The following TPRG1 variants were observed in gnomAD, a reference collection of about 807,000 sequenced individuals.
TPRG1 encodes the protein tumor protein p63-regulated gene 1 protein.
In TPRG1, 29 loss-of-function variants were observed where a neutral mutation model predicts 29.3. The observed-to-expected ratio is 0.99, with a 90% CI of 0.74 to 1.35. The LOEUF is 1.35. Among genes scored for constraint, TPRG1 ranks in the 40% most tolerant of loss-of-function variants. The pLI is 0.00. For synonymous variants in TPRG1, 130 were observed against 116.8 expected (o/e 1.11, Z -0.73); for missense variants, 327 against 335.0 (o/e 0.98, Z 0.19).
At position 189,324,066 on chromosome 3, in the gene TPRG1, C is replaced by T. The variant is rs796619991; in HGVS notation, c.*3246C>T. 2 of 152,222 alleles carry T rather than the reference C, an allele frequency of 1.3e-5. No individual in the cohort carries two copies. Among genetic ancestry groups the T allele is most frequent in the African/African-American group, 4.8e-5 (2 of 41,538 alleles). The allele number at this position is 152,222 out of a possible 1,614,324, so 9.4% of individuals were successfully genotyped here. A position where few individuals can be genotyped will look rare whatever the true frequency, so the allele number is the denominator to read the frequency against. Reference sequence around the variant, plus strand: ...TGGTCAATTGGGCCTGTTTGGAGGCCTGACCTTTGGTCATCTTAAGGTCAT... The same window carrying T: ...TGGTCAATTGGGCCTGTTTGGAGGCTTGACCTTTGGTCATCTTAAGGTCAT... On this transcript the variant is annotated 3_prime_UTR_variant, in exon 6 of 6. Transcript: ENST00000345063.
chr3:189,252,393 G>A (rs1172740457), intron 4 of TPRG1, among the ~76,000 whole-genome samples: 1 of 152,132 alleles, frequency 6.6e-6, no homozygotes, highest in African/African-American at 2.4e-5. Flanking sequence ...TAAAAGGCCT[G>A]CTTCATTCTC....
chr3:189,201,825 A>G (rs565792921), intron 1 of TPRG1, among the ~76,000 whole-genome samples: 1 of 151,862 alleles, frequency 6.6e-6, no homozygotes, highest in Non-Finnish European at 1.5e-5. Flanking sequence ...TAATTTTTGT[A>G]TTTTTAGTAG....
intron 1 of TPRG1, among the ~76,000 whole-genome samples, chr3:189,115,890 T>C (rs1440137494): frequency 2.0e-5 from 3 of 152,104 alleles, no homozygotes; most frequent in Non-Finnish European, 4.4e-5. Context: ...AAAAATTCCT[T>C]TTACAGATGT....
At position 189,310,448 on chromosome 3, in the gene TPRG1, G is replaced by A. The variant is rs761994383; in HGVS notation, c.542G>A (p.Arg181His). The change falls in exon 5 of 6, where the codon CGC becomes CAC. Residue 181 changes from arginine to histidine, a missense_variant. Coordinates refer to ENST00000345063, the MANE Select transcript of TPRG1 (RefSeq NM_198485.4). ...CCGGAGGAGCAGTCTCTTCTGTCCC[G>A]CTGGAACCCATGGTCCACTGAAGTT... is the stretch of plus-strand genomic sequence containing the variant. ...GSPEEQSLLS[R>H]WNPWSTEVPY... The A allele has an allele frequency of 2.7e-5, 44 of 1,611,540 alleles. No homozygotes were observed. The highest frequency in any genetic ancestry group is 7.7e-5 in the South Asian group (7 of 90,856).
At chr3:189,149,772 G>C (rs573502295) in intron 4 of TPRG1, among the ~76,000 whole-genome samples, 21 of 152,092 alleles carry the variant, frequency 1.4e-4, no homozygotes, top group African/African-American at 4.8e-4. Context: ...CCTGTGTCCG[G>C]AACTGCCTCC....
intron 4 of TPRG1, among the ~76,000 whole-genome samples, chr3:189,081,218 C>A (rs1316078403): frequency 6.6e-6 from 1 of 151,988 alleles, no homozygotes; most frequent in East Asian, 1.9e-4. Flanking sequence ...GGTGATGCAG[C>A]TTTGAAGGTC....
At chr3:189,317,948 C>A (rs1281086543) in intron 5 of TPRG1, among the ~76,000 whole-genome samples, 1 of 152,056 alleles carries the variant, frequency 6.6e-6, no homozygotes, top group Non-Finnish European at 1.5e-5. Context: ...GAAAAAGGAG[C>A]TACTGCCTCT....
intron 2 of TPRG1, among the ~76,000 whole-genome samples, chr3:189,208,382 G>A (rs1415605705): frequency 1.3e-5 from 2 of 152,124 alleles, no homozygotes; most frequent in African/African-American, 4.8e-5. Context: ...TATGGCAACA[G>A]AGAACATCTC....
intron 4 of TPRG1, among the ~76,000 whole-genome samples, chr3:189,077,705 T>C (rs1347160606): frequency 6.6e-6 from 1 of 152,190 alleles, no homozygotes; most frequent in Non-Finnish European, 1.5e-5. Context: ...TATTTATTGA[T>C]TGGAAATATT....
intron 4 of TPRG1, among the ~76,000 whole-genome samples, chr3:189,090,484 G>T (rs1185560495): frequency 1.3e-5 from 2 of 151,944 alleles, no homozygotes; most frequent in Non-Finnish European, 2.9e-5. Context: ...TTAGGATGAC[G>T]ATTATTGAGA....
At chr3:189,106,953 AAAT>A (rs1560450554) in intron 1 of TPRG1, among the ~76,000 whole-genome samples, 1 of 152,162 alleles carries the variant, frequency 6.6e-6, no homozygotes. Context: ...GTAATTTAAA[AAAT>A]AATATTAGTC....
At chr3:189,027,930 A>C (rs1260166454) in intron 4 of TPRG1, among the ~76,000 whole-genome samples, 1 of 151,494 alleles carries the variant, frequency 6.6e-6, no homozygotes, top group African/African-American at 2.4e-5. Flanking sequence ...CGTAGTGGCC[A>C]TTTTTTTTCG....
intron 4 of TPRG1, among the ~76,000 whole-genome samples, chr3:189,263,840 G>T (rs866248588): frequency 6.6e-6 from 1 of 152,172 alleles, no homozygotes; most frequent in African/African-American, 2.4e-5. Context: ...ACTAAGAGAC[G>T]TGTGAAGGTT....
chr3:189,169,250 C>T (rs113870591), upstream of TPRG1, among the ~76,000 whole-genome samples: 9,892 of 152,206 alleles, frequency 0.065, 434 homozygotes, highest in Middle Eastern at 0.13. Context: ...CTGCAACCTC[C>T]GCCTCCTGGG....
intron 5 of TPRG1, among the ~76,000 whole-genome samples, 192 bp downstream of exon 5, chr3:189,310,731 CTG>C (rs1352662691): frequency 1.3e-5 from 2 of 151,974 alleles, no homozygotes; most frequent in Non-Finnish European, 2.9e-5. Context: ...AAGAGTCAAA[CTG>C]TTTTTATATG....
At chr3:189,173,339 CTTCT>C (rs1560512462) in intron 1 of TPRG1, among the ~76,000 whole-genome samples, 2 of 130,326 alleles carry the variant, frequency 1.5e-5, no homozygotes, top group Admixed American at 7.6e-5. Context: ...TTCTTTTCTT[CTTCT>C]TTTTTTTTTT....
chr3:189,182,154 T>G (rs1183805580), intron 1 of TPRG1, among the ~76,000 whole-genome samples: 1 of 152,210 alleles, frequency 6.6e-6, no homozygotes, highest in Non-Finnish European at 1.5e-5. Flanking sequence ...AGACAAACCA[T>G]GTCAACAACT....
rs903493806 is a variant in TPRG1 at position 189,088,880 on chromosome 3, T to A, written c.-462-38177T>A. 2.0e-5 allele frequency among the ~76,000 whole-genome samples: 3 copies of A among 152,174 alleles called. No homozygotes were observed. In the South Asian group the frequency reaches 6.2e-4, roughly 31 times the overall value. Reference sequence around the variant, plus strand: ...CAAACTTTTTAAAAAAGCAAGTTATTAGATTAAATTACCAATGAAGTCACT... The same window carrying A: ...CAAACTTTTTAAAAAAGCAAGTTATAAGATTAAATTACCAATGAAGTCACT... On this transcript the variant is annotated intron_variant, in intron 4 of 10. Transcript: ENST00000433971.
intron 3 of TPRG1, among the ~76,000 whole-genome samples, chr3:189,140,887 G>A (rs1479888633): frequency 6.6e-6 from 1 of 152,062 alleles, no homozygotes; most frequent in Non-Finnish European, 1.5e-5. Flanking sequence ...CGCCAATCTT[G>A]ATTTCTGCAG....
Sources: allele counts gnomAD v4.1 joint callset (sites outside exome capture counted in the v4.1 genomes callset), GRCh38; gene constraint gnomAD v4.1.1; transcripts MANE v1.5; gene names NCBI Gene and HGNC (gene_info 2026-07-23, HGNC 2026-07-21).